Variants in FRMD4B observed in about 807,000 individuals in gnomAD.
The protein encoded by FRMD4B is FERM domain-containing protein 4B.
FRMD4B carries 74 observed loss-of-function variants against 141.5 expected under a neutral mutation model. The ratio of observed to expected loss-of-function variants is 0.52; its 90% confidence interval spans 0.43 to 0.63. The LOEUF (loss-of-function observed/expected upper bound fraction) is 0.63, where lower values mean the gene tolerates loss of function less well. Ranked by LOEUF, FRMD4B falls within the 30% of genes least tolerant of loss-of-function variation. FRMD4B has a pLI of 0.00. For missense variants in FRMD4B, 1,366 were observed against 1,253.4 expected, an observed-to-expected ratio of 1.09 and a Z score of -1.36; for synonymous variants, 506 against 467.9, an observed-to-expected ratio of 1.08 and a Z score of -1.05.
intron 1 of FRMD4B, among the ~76,000 whole-genome samples, chr3:69,533,505 C>G (rs1701033116): frequency 6.6e-6 from 1 of 152,212 alleles, no homozygotes; most frequent in Non-Finnish European, 1.5e-5. Context: ...ATGCCTGGCA[C>G]CTGGCACTTA....
intron 11 of FRMD4B, among the ~76,000 whole-genome samples, chr3:69,208,630 A>C (rs2093047149): frequency 6.6e-6 from 1 of 151,992 alleles, no homozygotes; most frequent in Admixed American, 6.6e-5. Flanking sequence ...TTCCTCAGAG[A>C]GGCTTTCCCT....
At chr3:69,403,099 A>T (rs1704594332) in intron 2 of FRMD4B, among the ~76,000 whole-genome samples, 1 of 152,220 alleles carries the variant, frequency 6.6e-6, no homozygotes, top group East Asian at 1.9e-4. Flanking sequence ...AATAAAACAG[A>T]AAGGCTAAAT....
intron 12 of FRMD4B, 93 bp from the exon 13 acceptor site, chr3:69,197,131 C>G: frequency 1.1e-6 from 1 of 949,952 alleles, no homozygotes; most frequent in Non-Finnish European, 1.6e-6. Flanking sequence ...AAAGCATGTT[C>G]CTCTTACCTG....
intron 1 of FRMD4B, among the ~76,000 whole-genome samples, chr3:69,352,173 T>C (rs977445657): frequency 6.6e-6 from 1 of 152,172 alleles, no homozygotes; most frequent in Non-Finnish European, 1.5e-5. Flanking sequence ...AAGATAGTCT[T>C]ACTTCTCAGG....
chr3:69,502,728 A>G (rs1283761709), intron 1 of FRMD4B, among the ~76,000 whole-genome samples: 2 of 151,998 alleles, frequency 1.3e-5, no homozygotes, highest in Admixed American at 6.5e-5. Flanking sequence ...AAAAAAAACT[A>G]CCATCGGAGT....
intron 1 of FRMD4B, among the ~76,000 whole-genome samples, chr3:69,314,466 T>C (rs532984707): frequency 6.6e-6 from 1 of 151,300 alleles, no homozygotes; most frequent in Non-Finnish European, 1.5e-5. Flanking sequence ...CAGTGGTGTT[T>C]GCAGTGAGTT....
At chr3:69,330,350 T>C (rs900585600) in intron 1 of FRMD4B, among the ~76,000 whole-genome samples, 1 of 136,024 alleles carries the variant, frequency 7.4e-6, no homozygotes, top group African/African-American at 2.8e-5. Flanking sequence ...CTTTTTTTTT[T>C]TTTTTTTTTT....
Position 69,176,648 on chromosome 3 carries a change from T to C in FRMD4B, c.2860A>G (p.Thr954Ala). The C allele has an allele frequency of 6.3e-7, 1 of 1,593,108 alleles. No homozygotes were observed. Among genetic ancestry groups the C allele is most frequent in the Non-Finnish European group, 8.6e-7 (1 of 1,165,796 alleles). ...GTCCTCCAGTTCCCAGAAGCATTTG[T>C]AGAAGACACTGGAAATAAAAATGGA... ...RASSYSSVSS[T>A]NASGNWRTQL... The change falls in exon 22 of 23, where the codon ACA (threonine) becomes GCA (alanine). Residue 954 changes from threonine (T) to alanine (A), a missense_variant. Transcript: ENST00000398540.
chr3:69,503,897 T>G (rs1385798010), intron 1 of FRMD4B, among the ~76,000 whole-genome samples: 1 of 152,188 alleles, frequency 6.6e-6, no homozygotes, highest in Non-Finnish European at 1.5e-5. Flanking sequence ...ACTAGTATCC[T>G]GGTTGTTGGA....
intron 1 of FRMD4B, among the ~76,000 whole-genome samples, chr3:69,530,209 G>T (rs1041654658): frequency 6.6e-6 from 1 of 152,216 alleles, no homozygotes; most frequent in Admixed American, 6.5e-5. Flanking sequence ...CTTTGATAAG[G>T]GTTGTTTGTC....
chr3:69,463,512 T>A (rs150872121), intron 1 of FRMD4B, among the ~76,000 whole-genome samples: 271 of 152,324 alleles, frequency 1.8e-3, no homozygotes, highest in African/African-American at 6.1e-3. Context: ...ATGACCTCAG[T>A]GCATTATAGA....
chr3:69,385,986 C>T lies in FRMD4B; in HGVS notation c.4G>A (p.Ala2Thr). Reference sequence around the variant, plus strand: ...TCCACGCCACACATGAACACCGAAGCCATGCCTCCTCCTTCGCTCTGAACC... The same window carrying T: ...TCCACGCCACACATGAACACCGAAGTCATGCCTCCTCCTTCGCTCTGAACC... M[A>T]SVFMCGVEDL... is the part of the protein sequence containing the mutation. The change falls in exon 1 of 23, where the codon GCT becomes ACT. Residue 2 changes from alanine to threonine, a missense_variant. Ala to Thr is a moderately conservative substitution (Grantham distance 58). Transcript: ENST00000398540. The T allele has an allele frequency of 1.3e-6, 2 of 1,588,660 alleles. No individual in the cohort carries two copies. Among genetic ancestry groups the T allele is most frequent in the Non-Finnish European group, 1.7e-6 (2 of 1,165,730 alleles).
chr3:69,286,530 A>G (rs1259437406), intron 5 of FRMD4B, among the ~76,000 whole-genome samples: 3 of 152,210 alleles, frequency 2.0e-5, no homozygotes, highest in Non-Finnish European at 4.4e-5. Context: ...CTAATAATCC[A>G]ACAAAAGAGG....
At chr3:69,400,606 A>G (rs2106750647) in intron 2 of FRMD4B, among the ~76,000 whole-genome samples, 1 of 152,344 alleles carries the variant, frequency 6.6e-6, no homozygotes, top group East Asian at 1.9e-4. Context: ...AGGCAATCCA[A>G]GAAGGCTTTG....
In FRMD4B at chr3:69,412,754, G is replaced by A. The variant is rs568236191; in HGVS notation, c.-1+19880C>T. Among the ~76,000 whole-genome samples, 6 of 150,756 alleles carry A rather than the reference G, an allele frequency of 4.0e-5. No individual in the cohort carries two copies. The East Asian group carries it at 1.2e-3, about 29-fold the overall frequency. ...TTTTACCATTGGAAAGGGTTAATTC[G>A]TCATGTTGAGTGCTAAAGCTGGGGC... On this transcript the variant is annotated intron_variant, in intron 2 of 5. Coordinates refer to the FRMD4B transcript ENST00000459638.
chr3:69,415,995 A>C (rs1704852264), intron 2 of FRMD4B, among the ~76,000 whole-genome samples: 1 of 152,232 alleles, frequency 6.6e-6, no homozygotes, highest in Non-Finnish European at 1.5e-5. Context: ...CCCCTGCTGA[A>C]TAAAGTGCCC....
chr3:69,216,948 A>G (rs1172805048), intron 10 of FRMD4B, among the ~76,000 whole-genome samples: 3 of 152,132 alleles, frequency 2.0e-5, no homozygotes, highest in Admixed American at 6.5e-5. Flanking sequence ...AAGTAATTCA[A>G]CTAAGAATTA....
intron 7 of FRMD4B, among the ~76,000 whole-genome samples, chr3:69,243,680 A>G (rs921655132): frequency 6.6e-6 from 1 of 152,222 alleles, no homozygotes; most frequent in Admixed American, 6.5e-5. Context: ...TAAATTTTAC[A>G]TTTATTACTT....
intron 1 of FRMD4B, among the ~76,000 whole-genome samples, chr3:69,521,016 G>A (rs936332853): frequency 1.3e-5 from 2 of 152,128 alleles, no homozygotes; most frequent in African/African-American, 4.8e-5. Context: ...TTTATTCTGG[G>A]AATTAGCACT....
Sources: allele counts gnomAD v4.1 joint callset (sites outside exome capture counted in the v4.1 genomes callset), GRCh38; gene constraint gnomAD v4.1.1; transcripts MANE v1.5; gene names NCBI Gene and HGNC (gene_info 2026-07-23, HGNC 2026-07-21).